WDR27: variants seen among roughly 807,000 people sequenced by gnomAD.
The protein encoded by WDR27 is WD repeat domain 27.
WDR27 carries 100 observed loss-of-function variants against 114.4 expected under a neutral mutation model. The ratio of observed to expected loss-of-function variants is 0.87; its 90% CI spans 0.74 to 1.03. WDR27 has a LOEUF of 1.03. Ranked by LOEUF, WDR27 falls within the 50% of genes least tolerant of loss-of-function variation. The pLI is 0.00. For synonymous variants in WDR27, 449 were observed against 423.1 expected (o/e 1.06, Z -0.75); for missense variants, 1,129 against 1,092.9 (o/e 1.03, Z -0.47).
chr6:169,432,865 A>G, the WDR27 span, among the ~76,000 whole-genome samples: 1 of 152,176 alleles, frequency 6.6e-6, no homozygotes, highest in African/African-American at 2.4e-5. Context: ...AGACAGGAAA[A>G]TGTGGGAAAG....
intron 24 of WDR27, among the ~76,000 whole-genome samples, chr6:169,579,486 A>G (rs554701396): frequency 1.1e-4 from 16 of 152,312 alleles, no homozygotes; most frequent in Admixed American, 3.3e-4. Context: ...CCTGCTGATC[A>G]AAACAGGATG....
At chr6:169,600,324 C>G (rs1036316158) in intron 23 of WDR27, among the ~76,000 whole-genome samples, 3 of 152,138 alleles carry the variant, frequency 2.0e-5, no homozygotes, top group African/African-American at 7.2e-5. Flanking sequence ...ACATCACCAT[C>G]ATCAAAGACC....
chr6:169,443,871 G>A, the WDR27 span, among the ~76,000 whole-genome samples: 2 of 152,310 alleles, frequency 1.3e-5, no homozygotes, highest in Non-Finnish European at 1.5e-5. Flanking sequence ...CCAAAACAGA[G>A]TCATTCAGGC....
chr6:169,466,791 T>A (rs1785648778), intron 25 of WDR27, among the ~76,000 whole-genome samples: 1 of 152,206 alleles, frequency 6.6e-6, no homozygotes, highest in Admixed American at 6.5e-5. Context: ...CCAAATCTCA[T>A]GTCTTCACAT....
chr6:169,505,458 G>A (rs1382219084), intron 25 of WDR27, among the ~76,000 whole-genome samples: 13 of 98,652 alleles, frequency 1.3e-4, no homozygotes, highest in Non-Finnish European at 2.9e-4. Context: ...AGGTACATTT[G>A]TTATTCCTTC....
chr6:169,447,778 C>T, the WDR27 span, among the ~76,000 whole-genome samples: 1 of 152,174 alleles, frequency 6.6e-6, no homozygotes, highest in African/African-American at 2.4e-5. Context: ...TTATTTTCTT[C>T]CAAGAATGTC....
the WDR27 span, among the ~76,000 whole-genome samples, chr6:169,432,783 C>G: frequency 6.6e-6 from 1 of 152,046 alleles, no homozygotes; most frequent in Non-Finnish European, 1.5e-5. Flanking sequence ...TGTAAAGATA[C>G]CGGAAAATGT....
chr6:169,627,901 A>G (rs1815269548), intron 21 of WDR27, among the ~76,000 whole-genome samples: 1 of 152,138 alleles, frequency 6.6e-6, no homozygotes, highest in South Asian at 2.1e-4. Flanking sequence ...GCCTGTGAGA[A>G]CACACAGGGA....
the WDR27 span, chr6:169,426,602 C>G: frequency 6.6e-6 from 1 of 152,258 alleles, no homozygotes; most frequent in Non-Finnish European, 1.5e-5. Context: ...GCGAGAGCCA[C>G]TGGAAGCTCG....
At chr6:169,611,962 G>A (rs1188187261) in intron 22 of WDR27, among the ~76,000 whole-genome samples, 1 of 147,952 alleles carries the variant, frequency 6.8e-6, no homozygotes, top group Admixed American at 6.6e-5. Context: ...TGGTGAAAAT[G>A]CGTTCTCTAC....
At chr6:169,504,504 A>G (rs933864360) in intron 25 of WDR27, among the ~76,000 whole-genome samples, 1 of 151,712 alleles carries the variant, frequency 6.6e-6, no homozygotes. Context: ...GAGGCTCCCC[A>G]GCCATGTGGA....
chr6:169,666,503 G>C, intron 6 of WDR27: 1 of 985,522 alleles, frequency 1.0e-6, no homozygotes, highest in South Asian at 4.7e-5. Flanking sequence ...AGCGAATGCA[G>C]GAAACCAGTG....
intron 22 of WDR27, among the ~76,000 whole-genome samples, chr6:169,612,217 G>A (rs1810708021): frequency 6.6e-6 from 1 of 151,356 alleles, no homozygotes; most frequent in Non-Finnish European, 1.5e-5. Context: ...AGATCATGAG[G>A]TCAGGAGATC....
chr6:169,578,268 T>C (rs1802779297), intron 24 of WDR27, among the ~76,000 whole-genome samples: 1 of 152,152 alleles, frequency 6.6e-6, no homozygotes, highest in East Asian at 1.9e-4. Context: ...TACTTTCTTA[T>C]CCATAGCGAC....
intron 2 of WDR27, among the ~76,000 whole-genome samples, chr6:169,680,931 CAG>C (rs1319045150): frequency 1.3e-5 from 2 of 152,142 alleles, no homozygotes; most frequent in African/African-American, 2.4e-5. Flanking sequence ...TAATGGAAGA[CAG>C]ATAAGTTCAC....
intron 25 of WDR27, among the ~76,000 whole-genome samples, chr6:169,494,577 A>C (rs373300697): frequency 3.9e-5 from 6 of 152,258 alleles, no homozygotes; most frequent in Middle Eastern, 3.4e-3. Context: ...TCACCATTGT[A>C]TATCCAGTCC....
At chr6:169,655,671 C>T (rs928042079) in intron 13 of WDR27, among the ~76,000 whole-genome samples, 4 of 152,100 alleles carry the variant, frequency 2.6e-5, no homozygotes, top group South Asian at 2.1e-4. Context: ...CCGAGGCTGG[C>T]GATGCCCCTG....
chr6:169,670,539 C>A, intron 4 of WDR27, 30 bp downstream of exon 4: 1 of 1,613,814 alleles, frequency 6.2e-7, no homozygotes, highest in Non-Finnish European at 8.5e-7. Flanking sequence ...CTAAACCCTT[C>A]CGTGAAATCC....
chr6:169,663,410 T>C (rs1826895586), intron 8 of WDR27, among the ~76,000 whole-genome samples: 1 of 152,090 alleles, frequency 6.6e-6, no homozygotes, highest in African/African-American at 2.4e-5. Flanking sequence ...GAAGAGAGTG[T>C]AGGCTGTGAG....
Sources: allele counts gnomAD v4.1 joint callset (sites outside exome capture counted in the v4.1 genomes callset), GRCh38; gene constraint gnomAD v4.1.1; transcripts MANE v1.5; gene names NCBI Gene and HGNC (gene_info 2026-07-23, HGNC 2026-07-21).